Variants in ARHGEF37 observed in about 807,000 individuals in gnomAD.
The protein encoded by ARHGEF37 is Rho guanine nucleotide exchange factor 37, also known as Rho guanine nucleotide exchange factor (GEF) 37.
Under a neutral mutation model 71.1 loss-of-function variants are expected in ARHGEF37, and 55 were observed. That is an observed-to-expected ratio of 0.77 (90% CI 0.62 to 0.97). The LOEUF (loss-of-function observed/expected upper bound fraction) is 0.97. Ranked by LOEUF, ARHGEF37 falls within the 50% of genes least tolerant of loss-of-function variation. ARHGEF37 has a pLI of 0.00. For synonymous variants in ARHGEF37, 327 were observed against 350.6 expected, an observed-to-expected ratio of 0.93 and a Z score of 0.75; for missense variants, 765 against 836.8, an observed-to-expected ratio of 0.91 and a Z score of 1.06.
intron 1 of ARHGEF37, among the ~76,000 whole-genome samples, chr5:149,558,244 C>A (rs1042744657): frequency 1.3e-5 from 2 of 152,096 alleles, no homozygotes; most frequent in Non-Finnish European, 2.9e-5. Context: ...CCATGGCTTA[C>A]GCCATGCAAT....
intron 4 of ARHGEF37, among the ~76,000 whole-genome samples, chr5:149,616,089 GA>G (rs1304055866): frequency 1.3e-5 from 2 of 152,086 alleles, no homozygotes; most frequent in African/African-American, 4.8e-5. Flanking sequence ...CTGGGCTTGG[GA>G]TGTGTTTAAA....
At chr5:149,605,236 AAAAAAG>A (rs1393968365) in intron 3 of ARHGEF37, among the ~76,000 whole-genome samples, 3 of 151,188 alleles carry the variant, frequency 2.0e-5, no homozygotes, top group Non-Finnish European at 2.9e-5. Flanking sequence ...CAAAAAAAAA[AAAAAAG>A]AAAAGAAAAA....
At chr5:149,605,226 CAA>C (rs142296894) in intron 3 of ARHGEF37, among the ~76,000 whole-genome samples, 96 of 114,762 alleles carry the variant, frequency 8.4e-4, no homozygotes, top group Admixed American at 1.1e-3. Flanking sequence ...GACTGCATCT[CAA>C]AAAAAAAAAA....
intron 1 of ARHGEF37, among the ~76,000 whole-genome samples, chr5:149,595,176 G>A (rs893028496): frequency 9.2e-5 from 14 of 152,018 alleles, no homozygotes; most frequent in South Asian, 2.1e-4. Flanking sequence ...TTGTTTGTTC[G>A]TTTGTTTGTT....
At chr5:149,598,021 T>C (rs1763600813) in intron 2 of ARHGEF37, 66 bp downstream of exon 2, 1 of 1,489,388 alleles carries the variant, frequency 6.7e-7, no homozygotes, top group African/African-American at 1.4e-5. Flanking sequence ...GCTTCTGAGA[T>C]TTCTCATCCA....
At chr5:149,617,848 G>A (rs1427413202) in intron 5 of ARHGEF37, among the ~76,000 whole-genome samples, 2 of 152,168 alleles carry the variant, frequency 1.3e-5, no homozygotes, top group Admixed American at 6.5e-5. Flanking sequence ...TCCTCCATGG[G>A]TTCTTCTTTA....
intron 4 of ARHGEF37, among the ~76,000 whole-genome samples, chr5:149,612,527 A>G (rs1752227121): frequency 6.6e-6 from 1 of 152,214 alleles, no homozygotes; most frequent in South Asian, 2.1e-4. Flanking sequence ...TGAAATTGGG[A>G]TTTATAAAAG....
chr5:149,590,951 A>C (rs772690009), intron 1 of ARHGEF37, among the ~76,000 whole-genome samples: 1 of 152,232 alleles, frequency 6.6e-6, no homozygotes, highest in Non-Finnish European at 1.5e-5. Flanking sequence ...ACAATCAAAC[A>C]CAAACATGTA....
intron 3 of ARHGEF37, among the ~76,000 whole-genome samples, chr5:149,601,992 A>G (rs1354147520): frequency 6.6e-6 from 1 of 151,984 alleles, no homozygotes; most frequent in Non-Finnish European, 1.5e-5. Flanking sequence ...TCTAACTGTG[A>G]TGGGGAGCCA....
At chr5:149,587,894 CTTTTTTTTT>C (rs3994917) in intron 1 of ARHGEF37, among the ~76,000 whole-genome samples, 5 of 129,164 alleles carry the variant, frequency 3.9e-5, no homozygotes, top group African/African-American at 8.9e-5. Context: ...TCCCTTTAGT[CTTTTTTTTT>C]TTTTTTTTTT....
chr5:149,593,457 CATA>C (rs1455991090), intron 1 of ARHGEF37, among the ~76,000 whole-genome samples: 1 of 152,080 alleles, frequency 6.6e-6, no homozygotes, highest in African/African-American at 2.4e-5. Context: ...TTTCACTAAG[CATA>C]ATGTTTTTAA....
chr5:149,623,483 C>G (rs1752597583), intron 9 of ARHGEF37, among the ~76,000 whole-genome samples: 1 of 152,210 alleles, frequency 6.6e-6, no homozygotes, highest in Non-Finnish European at 1.5e-5. Flanking sequence ...TTTTCCCTCT[C>G]CTGTAGCCTA....
upstream of ARHGEF37, among the ~76,000 whole-genome samples, chr5:149,551,794 C>T (rs959937585): frequency 2.6e-5 from 4 of 152,324 alleles, no homozygotes; most frequent in African/African-American, 7.2e-5. Flanking sequence ...TTGACCTGTG[C>T]TCTTTGAGGC....
rs1276991560 is a variant in ARHGEF37, at chr5:149,627,259, G to T, written c.1648G>T (p.Val550Leu). Residue 550 changes from valine (V) to leucine (L), a missense_variant, in exon 11 of 13, where the codon GTG becomes TTG. By Grantham distance (32) the Val-to-Leu change is conservative. Coordinates refer to ENST00000333677, the MANE Select transcript of ARHGEF37 (RefSeq NM_001001669.3). ...DTKGNSGRWL[V>L]DTGGHRGYVP... ...CAAAGGCAACAGCGGCCGCTGGCTG[G>T]TGGACACCGGGGGTACGTGAGCCTT... is the stretch of plus-strand genomic sequence containing the variant. 3 of 1,613,546 alleles carry T rather than the reference G, an allele frequency of 1.9e-6. No homozygotes were observed. The highest frequency in any genetic ancestry group is 2.5e-6 in the Non-Finnish European group (3 of 1,179,964).
chr5:149,631,778 A>G (rs1752890818), intron 12 of ARHGEF37, among the ~76,000 whole-genome samples: 1 of 152,258 alleles, frequency 6.6e-6, no homozygotes, highest in South Asian at 2.1e-4. Flanking sequence ...GAGTGCTAGG[A>G]CAGTGCCAGT....
chr5:149,566,438 CA>C (rs1408070840), intron 1 of ARHGEF37, among the ~76,000 whole-genome samples: 1 of 152,046 alleles, frequency 6.6e-6, no homozygotes, highest in Non-Finnish European at 1.5e-5. Context: ...GCAGAAGTTG[CA>C]GTGAGCCAAG....
chr5:149,551,881 G>C (rs1389730368), upstream of ARHGEF37: 2 of 152,218 alleles, frequency 1.3e-5, no homozygotes, highest in Non-Finnish European at 2.9e-5. Flanking sequence ...TTTGGAAAGA[G>C]GCTGTCGCCT....
chr5:149,611,352 CTGT>C, intron 4 of ARHGEF37, among the ~76,000 whole-genome samples: 2 of 152,352 alleles, frequency 1.3e-5, no homozygotes, highest in South Asian at 4.1e-4. Context: ...AAATGAGGGT[CTGT>C]TGTGGCCAGA....
At chr5:149,600,675 C>G (rs1763726813) in intron 2 of ARHGEF37, among the ~76,000 whole-genome samples, 1 of 150,060 alleles carries the variant, frequency 6.7e-6, no homozygotes, top group Non-Finnish European at 1.5e-5. Flanking sequence ...GAGTCTCGCT[C>G]TGTCGCCCAG....
Sources: gnomAD v4.1 joint callset for allele counts (sites outside exome capture counted in the v4.1 genomes callset) on GRCh38, gnomAD v4.1.1 for gene constraint, MANE v1.5 for transcripts, NCBI Gene and HGNC (gene_info 2026-07-23, HGNC 2026-07-21) for gene names.